The following NR6A1 variants were observed in gnomAD, a reference collection of about 807,000 sequenced individuals.
NR6A1 encodes retinoic acid receptor-related testis-associated receptor.
Under a neutral mutation model 59.1 loss-of-function variants are expected in NR6A1, and 7 were observed. That is an observed-to-expected ratio of 0.12 (90% CI 0.07 to 0.22). The LOEUF (loss-of-function observed/expected upper bound fraction) is 0.22. NR6A1 is among the 10% of genes least tolerant of loss of function. NR6A1 has a pLI of 1.00. For missense variants in NR6A1, 468 were observed against 611.6 expected, an observed-to-expected ratio of 0.77 and a Z score of 2.48; for synonymous variants, 243 against 236.1, an observed-to-expected ratio of 1.03 and a Z score of -0.27.
chr9:124,646,872 T>C (rs1836943352), intron 2 of NR6A1, among the ~76,000 whole-genome samples: 1 of 152,190 alleles, frequency 6.6e-6, no homozygotes, highest in Admixed American at 6.5e-5. Context: ...AGAAATTGAA[T>C]TAACAATTAA....
intron 2 of NR6A1, among the ~76,000 whole-genome samples, chr9:124,724,789 T>C (rs1186832374): frequency 1.3e-5 from 2 of 152,144 alleles, no homozygotes; most frequent in Non-Finnish European, 2.9e-5. Context: ...ATCTGGCCAG[T>C]AACCGAACAC....
intron 5 of NR6A1, 24 bp downstream of exon 5, chr9:124,540,009 C>G (rs766926925): frequency 3.0e-5 from 48 of 1,577,174 alleles, no homozygotes; most frequent in Non-Finnish European, 4.0e-5. Flanking sequence ...TAGATGATGA[C>G]CATGGGTTTG....
chr9:124,634,605 A>G (rs1407446944), intron 2 of NR6A1, among the ~76,000 whole-genome samples: 1 of 152,086 alleles, frequency 6.6e-6, no homozygotes, highest in Non-Finnish European at 1.5e-5. Flanking sequence ...GTGGATCACG[A>G]GGTCAGGAGA....
At chr9:124,679,055 GC>G (rs1384877688) in intron 2 of NR6A1, among the ~76,000 whole-genome samples, 1 of 151,976 alleles carries the variant, frequency 6.6e-6, no homozygotes, top group East Asian at 1.9e-4. Flanking sequence ...AAAAGAAAAG[GC>G]CCCCATTTTG....
At position 124,601,477 on chromosome 9, in the gene NR6A1, G is replaced by A. The variant is rs573896554; in HGVS notation, c.143-46907C>T. 4.1e-4 allele frequency among the ~76,000 whole-genome samples: 62 copies of A among 151,510 alleles called. No individual in the cohort carries two copies. The South Asian group carries it at 0.012, about 30-fold the overall frequency. ...CGGGCGCCTGTAGTCCCAGCTACTC[G>A]GGGGGCTGAGGCAGGAGAATGGCGT... On this transcript the variant is annotated intron_variant, in intron 2 of 9. Transcript: ENST00000487099.
intron 2 of NR6A1, among the ~76,000 whole-genome samples, chr9:124,719,131 ACT>A: frequency 6.8e-6 from 1 of 146,392 alleles, no homozygotes; most frequent in East Asian, 2.0e-4. Flanking sequence ...ACAGGGTCTC[ACT>A]CTGTTGCCCA....
chr9:124,637,708 T>A (rs1277427628), intron 2 of NR6A1, among the ~76,000 whole-genome samples: 2 of 151,606 alleles, frequency 1.3e-5, no homozygotes, highest in African/African-American at 2.4e-5. Context: ...CTAGCCAACA[T>A]GGTGAAACCC....
At position 124,530,135 on chromosome 9, in the gene NR6A1, T is replaced by C. The variant is rs369206376; in HGVS notation, c.1080-3235A>G. ...TGCCAAACCTGTTCCTGGCTGACTC[T>C]TGACCTGAGGGACACAAAGGAGTTC... On this transcript the variant is annotated intron_variant, in intron 7 of 9. Transcript: ENST00000487099. Among the ~76,000 whole-genome samples, 20 of 152,282 alleles carry C rather than the reference T, an allele frequency of 1.3e-4. 2 individuals are homozygous for C. The South Asian group carries it at 4.1e-3, about 32-fold the overall frequency.
intron 2 of NR6A1, among the ~76,000 whole-genome samples, chr9:124,601,202 G>A (rs745831880): frequency 2.6e-5 from 4 of 152,194 alleles, no homozygotes; most frequent in African/African-American, 9.6e-5. Context: ...CTTGAGCCCC[G>A]GAGACGGAGG....
At chr9:124,536,976 G>A (rs555751973) in intron 6 of NR6A1, among the ~76,000 whole-genome samples, 261 of 152,306 alleles carry the variant, frequency 1.7e-3, no homozygotes, top group Non-Finnish European at 3.1e-3. Flanking sequence ...AATAAAAGCC[G>A]GCTTTGAGAC....
chr9:124,598,476 T>TG (rs376700484), intron 2 of NR6A1, among the ~76,000 whole-genome samples: 278 of 151,488 alleles, frequency 1.8e-3, no homozygotes, highest in African/African-American at 5.9e-3. Flanking sequence ...CTTTGAAATG[T>TG]GGGAAAAAAG....
chr9:124,551,346 C>T (rs1330710744), intron 3 of NR6A1, among the ~76,000 whole-genome samples: 2 of 152,186 alleles, frequency 1.3e-5, no homozygotes, highest in East Asian at 3.8e-4. Flanking sequence ...TATTGATACA[C>T]TGATTCCAAT....
rs113092616 is a variant in NR6A1 at position 124,664,739 on chromosome 9, T to C, written c.142+68569A>G. On this transcript the variant is annotated intron_variant, in intron 2 of 9. Transcript: ENST00000487099. ...TAATCAAGCAGAACCTTTTTTCCAGTCATTCATCTAATCAATATTAAGCTT... is the reference window on the plus strand; with the variant it reads ...TAATCAAGCAGAACCTTTTTTCCAGCCATTCATCTAATCAATATTAAGCTT... 8.5e-3 allele frequency among the ~76,000 whole-genome samples: 1,293 copies of C among 152,218 alleles called. 18 individuals carry two copies. The highest frequency in any genetic ancestry group is 0.03 in the African/African-American group (1,233 of 41,552).
At chr9:124,609,251 T>G (rs1290381408) in intron 2 of NR6A1, among the ~76,000 whole-genome samples, 1 of 152,224 alleles carries the variant, frequency 6.6e-6, no homozygotes, top group Non-Finnish European at 1.5e-5. Context: ...GATTTTACAT[T>G]TAAGTCTTTA....
In NR6A1 at chr9:124,659,094, T is replaced by C. The variant is rs550688982; in HGVS notation, c.142+74214A>G. ...AGAATTTAGAAAAGTTTGAAGTTTTTACCACCTTTTCTATCTCTAGTTTTG... is the reference window on the plus strand; with the variant it reads ...AGAATTTAGAAAAGTTTGAAGTTTTCACCACCTTTTCTATCTCTAGTTTTG... On this transcript the variant is annotated intron_variant, in intron 2 of 9. Transcript: ENST00000487099. Among the ~76,000 whole-genome samples the C allele has an allele frequency of 5.9e-4, 90 of 152,370 alleles. 1 individual carries two copies. The South Asian group carries it at 0.018, about 30-fold the overall frequency.
intron 2 of NR6A1, among the ~76,000 whole-genome samples, chr9:124,612,478 T>C (rs1282025162): frequency 1.3e-5 from 2 of 152,190 alleles, no homozygotes; most frequent in Non-Finnish European, 2.9e-5. Context: ...CTTGGACAGA[T>C]ACCCCAGCAT....
At chr9:124,725,758 C>T (rs1386574664) in intron 2 of NR6A1, among the ~76,000 whole-genome samples, 1 of 152,102 alleles carries the variant, frequency 6.6e-6, no homozygotes, top group Non-Finnish European at 1.5e-5. Flanking sequence ...GAGAGCATGG[C>T]AAAAATTCGT....
At chr9:124,628,419 C>T (rs560840873) in intron 2 of NR6A1, among the ~76,000 whole-genome samples, 155 of 152,176 alleles carry the variant, frequency 1.0e-3, no homozygotes, top group Middle Eastern at 3.4e-3. Flanking sequence ...TCTTGGCTCA[C>T]TGCAATCTGG....
chr9:124,573,651 C>CTAAA (rs908318380), intron 2 of NR6A1, among the ~76,000 whole-genome samples: 1 of 152,142 alleles, frequency 6.6e-6, no homozygotes, highest in African/African-American at 2.4e-5. Flanking sequence ...TGTCCGAGTT[C>CTAAA]TTTTTAAATA....
Sources: gnomAD v4.1 joint callset for allele counts (sites outside exome capture counted in the v4.1 genomes callset) on GRCh38, gnomAD v4.1.1 for gene constraint, MANE v1.5 for transcripts, NCBI Gene and HGNC (gene_info 2026-07-23, HGNC 2026-07-21) for gene names.